Variants in FLYWCH1 observed in about 807,000 individuals in gnomAD.
The protein encoded by FLYWCH1 is FLYWCH-type zinc finger-containing protein 1.
FLYWCH1 carries 75 observed loss-of-function variants against 66.4 expected under a neutral mutation model. That is an observed-to-expected ratio of 1.13 (90% CI 0.94 to 1.37). The LOEUF is 1.37. Among genes scored for constraint, FLYWCH1 ranks in the 40% most tolerant of loss-of-function variants. FLYWCH1 has a pLI of 0.00. For missense variants in FLYWCH1, 1,334 were observed against 1,001.8 expected, an observed-to-expected ratio of 1.33 and a Z score of -4.48; for synonymous variants, 595 against 429.9, an observed-to-expected ratio of 1.38 and a Z score of -4.75.
intron 6 of FLYWCH1, chr16:2,934,846 A>C: frequency 3.4e-6 from 1 of 296,816 alleles, no homozygotes. Context: ...CCTATTTCCT[A>C]AAATGTGCCT....
chr16:2,936,319 TC>T (rs1485533362), intron 6 of FLYWCH1: 1 of 445,876 alleles, frequency 2.2e-6, no homozygotes, highest in African/African-American at 2.0e-5. Context: ...CTCTTCTGTC[TC>T]GTGGTCCCCA....
At chr16:2,931,049 A>G (rs1007523864) in intron 4 of FLYWCH1, among the ~76,000 whole-genome samples, 169 bp downstream of exon 4, 4 of 152,206 alleles carry the variant, frequency 2.6e-5, no homozygotes, top group African/African-American at 7.2e-5. Context: ...TCACGCCTAT[A>G]ATCCCAGCAC....
At position 2,937,151 on chromosome 16, in the gene FLYWCH1, G is replaced by A. The variant is rs887044950; in HGVS notation, c.1544G>A (p.Gly515Glu). 1.6e-5 allele frequency: 19 copies of A among 1,197,054 alleles called. No homozygotes were observed. Among genetic ancestry groups the A allele is most frequent in the Non-Finnish European group, 2.0e-5 (19 of 938,240 alleles). The allele number at this position is 1,197,054 out of a possible 1,614,324, so 74.2% of individuals were successfully genotyped here. The change falls in exon 7 of 10, where the codon GGG (glycine) becomes GAG (glutamate). Residue 515 changes from glycine (G) to glutamate (E), a missense_variant. Physicochemically the swap from Gly to Glu is moderately conservative, Grantham distance 98 (BLOSUM62 -2). Coordinates refer to ENST00000253928, the MANE Select transcript of FLYWCH1 (RefSeq NM_001308068.2). Reference protein sequence around the residue: ...GGPEFLKTPLGGSFLVYESFL... With the variant: ...GGPEFLKTPLEGSFLVYESFL... ...CCCGAGTTCCTGAAGACGCCCCTGG[G>A]GGGCAGCTTCCTGGTGTACGAGTCC... is the stretch of plus-strand genomic sequence containing the variant.
intron 6 of FLYWCH1, chr16:2,936,150 A>G (rs1416274140): frequency 9.3e-5 from 29 of 310,634 alleles, no homozygotes; most frequent in South Asian, 7.0e-4. Context: ...TGACCTCGTG[A>G]TCCGCCTGCC....
chr16:2,928,585 G>A (rs890137601), intron 2 of FLYWCH1, among the ~76,000 whole-genome samples: 1 of 152,176 alleles, frequency 6.6e-6, no homozygotes, highest in Non-Finnish European at 1.5e-5. Flanking sequence ...GTGAGCACAG[G>A]GTTGGGGTTA....
chr16:2,935,424 T>C (rs888765253), intron 6 of FLYWCH1: 4 of 152,282 alleles, frequency 2.6e-5, no homozygotes, highest in African/African-American at 9.6e-5. Flanking sequence ...CAGTGCAGCC[T>C]GGCCTGGGGG....
At chr16:2,921,418 G>A (rs1242474863) in intron 2 of FLYWCH1, among the ~76,000 whole-genome samples, 2 of 152,038 alleles carry the variant, frequency 1.3e-5, no homozygotes, top group Admixed American at 1.3e-4. Context: ...CAGGGAAGCG[G>A]GTGAGAAGAG....
chr16:2,946,316 C>T (rs1391124390), intron 9 of FLYWCH1, among the ~76,000 whole-genome samples: 11 of 75,538 alleles, frequency 1.5e-4, no homozygotes, highest in Admixed American at 3.7e-4. Context: ...GTGGGCTGTA[C>T]TTTTTTTTTT....
chr16:2,920,471 G>A (rs1224575653), intron 2 of FLYWCH1, among the ~76,000 whole-genome samples: 5 of 150,544 alleles, frequency 3.3e-5, no homozygotes, highest in African/African-American at 4.9e-5. Context: ...CTAAGATTAC[G>A]CCATTGCACT....
chr16:2,931,682 C>T (rs1389556568), intron 4 of FLYWCH1, among the ~76,000 whole-genome samples: 5 of 151,904 alleles, frequency 3.3e-5, no homozygotes, highest in Non-Finnish European at 7.4e-5. Flanking sequence ...TCAGGAAAGA[C>T]ACCTAGGCCT....
At chr16:2,945,913 C>T (rs1231107771) in intron 9 of FLYWCH1, among the ~76,000 whole-genome samples, 1 of 151,858 alleles carries the variant, frequency 6.6e-6, no homozygotes, top group African/African-American at 2.4e-5. Flanking sequence ...AGGAGAATGG[C>T]GTGAACCCGG....
rs966170321 is a variant in FLYWCH1, at chr16:2,930,774, C to T, written c.690C>T (p.Pro230=). The T allele has an allele frequency of 1.0e-5, 16 of 1,586,262 alleles. No individual in the cohort carries two copies. The Admixed American group carries it at 1.6e-4, about 16-fold the overall frequency. ...GPWQCPEEPE[P]TPGLVLSKPA... ...GGCAGTGCCCTGAGGAGCCCGAGCC[C>T]ACTCCTGGGCTGGTGCTGAGCAAGC... The change falls in exon 4 of 10, where the codon CCC becomes CCT. Residue 230 remains proline (P), a synonymous_variant. Coordinates refer to ENST00000253928, the MANE Select transcript of FLYWCH1 (RefSeq NM_001308068.2).
intron 9 of FLYWCH1, among the ~76,000 whole-genome samples, chr16:2,946,358 G>T (rs1381843287): frequency 9.3e-6 from 1 of 107,408 alleles, no homozygotes; most frequent in Non-Finnish European, 1.7e-5. Flanking sequence ...GTCTCGTTCT[G>T]TCCCCCAGGC....
intron 2 of FLYWCH1, among the ~76,000 whole-genome samples, chr16:2,928,135 G>A (rs899873601): frequency 1.2e-4 from 18 of 152,346 alleles, no homozygotes; most frequent in African/African-American, 3.8e-4. Flanking sequence ...TGCTGCCAGC[G>A]TATCTTGCCT....
chr16:2,930,093 A>G (rs945636995), intron 3 of FLYWCH1, 83 bp downstream of exon 3: 1 of 1,236,714 alleles, frequency 8.1e-7, no homozygotes, highest in Non-Finnish European at 1.1e-6. Flanking sequence ...TGCTTCAAGC[A>G]TAGTGTCTTG....
intron 9 of FLYWCH1, among the ~76,000 whole-genome samples, chr16:2,946,313 G>A (rs2071483731): frequency 1.7e-5 from 2 of 116,476 alleles, no homozygotes; most frequent in South Asian, 5.5e-4. Context: ...TAGGTGGGCT[G>A]TACTTTTTTT....
chr16:2,932,246 G>C (rs1328570810), intron 4 of FLYWCH1, among the ~76,000 whole-genome samples: 1 of 144,308 alleles, frequency 6.9e-6, no homozygotes, highest in Non-Finnish European at 1.5e-5. Context: ...ACTCCAGCCT[G>C]GGCGACGTGG....
chr16:2,923,065 G>A (rs575900864), intron 2 of FLYWCH1: 9 of 416,772 alleles, frequency 2.2e-5, no homozygotes, highest in Middle Eastern at 3.7e-4. Context: ...GCTGTTGTGC[G>A]GATCTATTTT....
intron 9 of FLYWCH1, among the ~76,000 whole-genome samples, chr16:2,944,237 G>C (rs1194741656): frequency 6.7e-6 from 1 of 149,650 alleles, no homozygotes; most frequent in Non-Finnish European, 1.5e-5. Context: ...AAATACAATA[G>C]CCAGGCTTGG....
Sources: allele counts gnomAD v4.1 joint callset (sites outside exome capture counted in the v4.1 genomes callset), GRCh38; gene constraint gnomAD v4.1.1; transcripts MANE v1.5; gene names NCBI Gene and HGNC (gene_info 2026-07-23, HGNC 2026-07-21).